The following TRPM2 variants were observed in gnomAD, a reference collection of about 807,000 sequenced individuals.
The protein encoded by TRPM2 is transient receptor potential cation channel subfamily M member 2.
A neutral mutation model predicts 174.0 loss-of-function variants in TRPM2; 161 were observed. The observed-to-expected ratio is 0.93, with a 90% CI of 0.81 to 1.05. The LOEUF (loss-of-function observed/expected upper bound fraction) is 1.05. Among genes scored for constraint, TRPM2 ranks in the 50% least tolerant of loss-of-function variants. The pLI is 0.00. For synonymous variants in TRPM2, 954 were observed against 861.3 expected (o/e 1.11, Z -1.88); for missense variants, 2,057 against 2,038.0 (o/e 1.01, Z -0.18).
rs552030199 is a variant in TRPM2, at chr21:44,397,332, C to T, written c.1933-415C>T. On this transcript the variant is annotated intron_variant, in intron 12 of 31. Coordinates refer to ENST00000397928, the MANE Select transcript of TRPM2 (RefSeq NM_003307.4). ...GATTACAGGCGTAAGCCACTGCATC[C>T]GGCCCAGGAAAGGAATTTTTAAATT... 6.6e-5 allele frequency among the ~76,000 whole-genome samples: 10 copies of T among 152,228 alleles called. No individual in the cohort carries two copies. In the South Asian group the frequency reaches 8.3e-4, roughly 13 times the overall value.
chr21:44,405,279 A>T lies in TRPM2; in HGVS notation c.2657+19A>T. 1 of 1,610,794 alleles carries T rather than the reference A, an allele frequency of 6.2e-7. No individual in the cohort carries two copies. Reference sequence around the variant, plus strand: ...CCTGCAGGTGAGTGGCCTCACCCCGATGGCGGGCCCGTCTGAGGCAGCCAG... The same window carrying T: ...CCTGCAGGTGAGTGGCCTCACCCCGTTGGCGGGCCCGTCTGAGGCAGCCAG... On this transcript the variant is annotated intron_variant, in intron 17 of 31. Coordinates refer to ENST00000397928, the MANE Select transcript of TRPM2 (RefSeq NM_003307.4).
At chr21:44,427,409 G>A (rs138746435) in intron 27 of TRPM2, among the ~76,000 whole-genome samples, 297 of 152,338 alleles carry the variant, frequency 1.9e-3, no homozygotes, top group African/African-American at 7.0e-3. Context: ...AGAGGACGAT[G>A]CCTCAGAGGA....
At position 44,442,001 on chromosome 21, in the gene TRPM2, G is replaced by A. The variant is rs558859247; in HGVS notation, c.*184G>A. The A allele has an allele frequency of 9.9e-6, 9 of 913,566 alleles. No homozygotes were observed. The East Asian group carries it at 1.2e-4, about 12-fold the overall frequency. The allele number at this position is 913,566 out of a possible 1,614,324, so 56.6% of individuals were successfully genotyped here. On this transcript the variant is annotated 3_prime_UTR_variant, in exon 32 of 32. Transcript: ENST00000397928. The stretch of plus-strand genomic sequence containing the variant: ...GCAGATGACCTCATGAACTGGAAGG[G>A]GTCAAGGTGACCCGGGAGGAGAGCT...
At chr21:44,440,742 G>A (rs375031486) in intron 30 of TRPM2, 47 bp from the exon 31 acceptor site, 15 of 1,540,420 alleles carry the variant, frequency 9.7e-6, no homozygotes, top group Middle Eastern at 1.7e-4. Flanking sequence ...CCGGGGCACC[G>A]CTCAGGTGTC....
Position 44,432,786 on chromosome 21 carries a change from C to T in TRPM2, c.3975-2345C>T, listed in dbSNP as rs2051072317. Among the ~76,000 whole-genome samples the T allele has an allele frequency of 1.3e-5, 2 of 152,228 alleles. No homozygotes were observed. The highest frequency in any genetic ancestry group is 1.9e-4 in the East Asian group (1 of 5,192). On this transcript the variant is annotated intron_variant, in intron 27 of 31. Coordinates refer to ENST00000397928, the MANE Select transcript of TRPM2 (RefSeq NM_003307.4). This position sits in a 1 kb window ranked among gnomAD's most constrained non-coding sequence, Gnocchi z 4.9. ...CAACCCATAGGCCAGCTCTCCACCC[C>T]TCAACCCACCTGCATTTCTGGAGCT...
At chr21:44,400,790 C>A (rs2049592138) in intron 15 of TRPM2, among the ~76,000 whole-genome samples, 1 of 152,234 alleles carries the variant, frequency 6.6e-6, no homozygotes, top group Non-Finnish European at 1.5e-5. Context: ...TTGATGGAAT[C>A]GCTTTCCCTT....
chr21:44,383,467 C>A (rs574666299), intron 9 of TRPM2, among the ~76,000 whole-genome samples: 1 of 152,328 alleles, frequency 6.6e-6, no homozygotes, highest in Admixed American at 6.5e-5. Flanking sequence ...AGAGTGGGCC[C>A]AGGCTGGGAT....
intron 16 of TRPM2, among the ~76,000 whole-genome samples, chr21:44,404,757 AGTGATGATAGTGACAGTGACT>A (rs1355886047): frequency 6.6e-6 from 1 of 151,510 alleles, no homozygotes; most frequent in African/African-American, 2.4e-5. Context: ...TGACAGTGAT[AGTGATGATAGTGACAGTGACT>A]GTGATGATAG....
chr21:44,435,082 G>C (rs748705232), intron 27 of TRPM2, 49 bp from the exon 28 acceptor site: 2 of 1,577,092 alleles, frequency 1.3e-6, no homozygotes, highest in African/African-American at 1.3e-5. Context: ...GCCCTGTCCT[G>C]CTCCCCCATT....
intron 27 of TRPM2, among the ~76,000 whole-genome samples, chr21:44,428,633 G>A (rs956905614): frequency 1.4e-5 from 2 of 146,466 alleles, no homozygotes; most frequent in African/African-American, 5.1e-5. Context: ...CTCCCCTGAG[G>A]TGTGGCTCCT....
At chr21:44,373,621 T>C (rs2048608529) in intron 5 of TRPM2, among the ~76,000 whole-genome samples, 1 of 140,334 alleles carries the variant, frequency 7.1e-6, no homozygotes, top group South Asian at 2.1e-4. Context: ...ATATGCGACC[T>C]GCATTATATG....
At chr21:44,364,644 G>T (rs901985052) in intron 3 of TRPM2, among the ~76,000 whole-genome samples, 1 of 152,122 alleles carries the variant, frequency 6.6e-6, no homozygotes, top group Non-Finnish European at 1.5e-5. Context: ...TGCGCTCAGG[G>T]TGTGCTGGGA....
intron 2 of TRPM2, among the ~76,000 whole-genome samples, chr21:44,358,753 C>G (rs902307188): frequency 1.3e-5 from 2 of 152,188 alleles, no homozygotes; most frequent in African/African-American, 4.8e-5. Flanking sequence ...ACCCAGGTCT[C>G]TCATCCATAA....
At chr21:44,382,504 C>T (rs2048910900) in intron 8 of TRPM2, among the ~76,000 whole-genome samples, 2 of 152,110 alleles carry the variant, frequency 1.3e-5, no homozygotes, top group Non-Finnish European at 1.5e-5. Flanking sequence ...ATTGTGTTTT[C>T]CACCCAACAG....
At chr21:44,429,431 G>T (rs1190663942) in intron 27 of TRPM2, among the ~76,000 whole-genome samples, 1 of 151,376 alleles carries the variant, frequency 6.6e-6, no homozygotes, top group Non-Finnish European at 1.5e-5. Context: ...GGAATTACAG[G>T]CATCCACCAC....
At chr21:44,378,019 G>A (rs2048758445) in intron 7 of TRPM2, among the ~76,000 whole-genome samples, 2 of 152,236 alleles carry the variant, frequency 1.3e-5, no homozygotes, top group African/African-American at 4.8e-5. Context: ...TGACCGGCGT[G>A]GAAGGAAAGG....
Position 44,439,110 on chromosome 21 carries a change from G to C in TRPM2, c.4211G>C (p.Arg1404Pro). The C allele has an allele frequency of 7.4e-6, 12 of 1,613,728 alleles. No individual in the cohort carries two copies. Among genetic ancestry groups the C allele is most frequent in the Non-Finnish European group, 1.0e-5 (12 of 1,179,884 alleles). ...GAGATGCTACCTCGGAAGCTGAAGCGGATCCTCCGGCAGGAGCACTGGCCG... is the reference window on the plus strand; with the variant it reads ...GAGATGCTACCTCGGAAGCTGAAGCCGATCCTCCGGCAGGAGCACTGGCCG... ...PGEMLPRKLK[R>P]ILRQEHWPSF... The change falls in exon 30 of 32, where the codon CGG (arginine) becomes CCG (proline). Residue 1404 changes from arginine (R) to proline (P), a missense_variant. By Grantham distance (103) the Arg-to-Pro change is moderately radical. Transcript: ENST00000397928. The surrounding 1 kb of genome is among the most constrained non-coding windows in gnomAD (Gnocchi z 5.1).
At chr21:44,369,148 G>C (rs766143851) in intron 4 of TRPM2, 29 bp from the exon 5 acceptor site, 7 of 1,568,190 alleles carry the variant, frequency 4.5e-6, no homozygotes, top group Non-Finnish European at 6.1e-6. Flanking sequence ...CAGTGCTGTG[G>C]GGCCTGCCCA....
intron 16 of TRPM2, among the ~76,000 whole-genome samples, chr21:44,404,678 CTG>C (rs905950996): frequency 2.9e-4 from 44 of 151,962 alleles, no homozygotes; most frequent in African/African-American, 8.9e-4. Context: ...GTGACAGTGA[CTG>C]TGATTGTGAT....
Sources: gnomAD v4.1 joint callset for allele counts (sites outside exome capture counted in the v4.1 genomes callset) on GRCh38, gnomAD v4.1.1 for gene constraint, Gnocchi (gnomAD v3.1) non-coding constraint, MANE v1.5 for transcripts, NCBI Gene and HGNC (gene_info 2026-07-23, HGNC 2026-07-21) for gene names.